Variants in FREM1 observed in about 807,000 individuals in gnomAD.
The protein encoded by FREM1 is FRAS1-related extracellular matrix protein 1.
Under a neutral mutation model 210.1 loss-of-function variants are expected in FREM1, and 220 were observed. The ratio of observed to expected loss-of-function variants is 1.05; its 90% confidence interval spans 0.94 to 1.17. The LOEUF (loss-of-function observed/expected upper bound fraction) is 1.17. FREM1 is among the 50% of genes most tolerant of loss of function. The probability of loss-of-function intolerance (pLI) is 0.00; values close to 1 mark genes in which losing one functional copy is unlikely to be tolerated. For missense variants in FREM1, 3,454 were observed against 2,675.5 expected (o/e 1.29, Z -6.42); for synonymous variants, 1,189 against 980.2 (o/e 1.21, Z -3.98).
At chr9:14,852,613 G>C (rs1003593541) in intron 5 of FREM1, among the ~76,000 whole-genome samples, 4 of 152,322 alleles carry the variant, frequency 2.6e-5, no homozygotes, top group African/African-American at 9.6e-5. Context: ...AAGATCACTT[G>C]AGCCCAGGAG....
chr9:14,882,557 C>T (rs1487955598), intron 1 of FREM1, among the ~76,000 whole-genome samples: 1 of 150,806 alleles, frequency 6.6e-6, no homozygotes, highest in African/African-American at 2.4e-5. Context: ...TGGGTTCAAG[C>T]AATTCTCCTG....
intron 23 of FREM1, 80 bp from the exon 24 acceptor site, chr9:14,784,714 C>A: frequency 9.7e-7 from 1 of 1,034,848 alleles, no homozygotes; most frequent in Non-Finnish European, 1.3e-6. Context: ...AGACAAAGGC[C>A]AAAACTGTGC....
Position 14,823,275 on chromosome 9 carries a change from C to T in FREM1, c.2222G>A (p.Gly741Asp). The change falls in exon 13 of 37, where the codon GGT becomes GAT. Residue 741 changes from glycine to aspartate, a missense_variant. Gly to Asp is a moderately conservative substitution (Grantham distance 94, BLOSUM62 -1). Transcript: ENST00000380880. ...GAACTGGACATCTCTGCAATGGGGACCAATGTCTTGCATGGGGGGCATGTA... is the reference window on the plus strand; with the variant it reads ...GAACTGGACATCTCTGCAATGGGGATCAATGTCTTGCATGGGGGGCATGTA... Reference protein sequence around the residue: ...VAYMPPMQDIGPHCRDVQFTF... With the variant: ...VAYMPPMQDIDPHCRDVQFTF... The T allele has an allele frequency of 6.2e-7, 1 of 1,613,920 alleles. No homozygotes were observed. The highest frequency in any genetic ancestry group is 8.5e-7 in the Non-Finnish European group (1 of 1,179,854).
At chr9:14,797,415 G>C in intron 21 of FREM1, 83 bp downstream of exon 21, 1 of 1,104,854 alleles carries the variant, frequency 9.1e-7, no homozygotes. Flanking sequence ...TTCTTTGGGA[G>C]ACACACACAC....
At chr9:14,851,157 G>C (rs1380029516) in intron 6 of FREM1, 127 bp downstream of exon 6, 1 of 727,166 alleles carries the variant, frequency 1.4e-6, no homozygotes, top group Non-Finnish European at 2.2e-6. Context: ...TGTGCATCCT[G>C]ATTTACAGTG....
intron 1 of FREM1, among the ~76,000 whole-genome samples, chr9:14,897,394 G>T (rs1158540835): frequency 6.6e-6 from 1 of 152,110 alleles, no homozygotes; most frequent in Non-Finnish European, 1.5e-5. Flanking sequence ...CTACCATAGG[G>T]TGATCAAGAT....
At chr9:14,826,329 T>C (rs1822450024) in intron 10 of FREM1, among the ~76,000 whole-genome samples, 2 of 152,306 alleles carry the variant, frequency 1.3e-5, no homozygotes, top group South Asian at 4.1e-4. Flanking sequence ...TGACTTCAAG[T>C]GATCCGCCCT....
At chr9:14,851,825 C>T (rs1348951205) in intron 5 of FREM1, among the ~76,000 whole-genome samples, 1 of 152,134 alleles carries the variant, frequency 6.6e-6, no homozygotes, top group Non-Finnish European at 1.5e-5. Flanking sequence ...AAAAGGGGAC[C>T]AGAAAACCAG....
Position 14,855,221 on chromosome 9 carries a change from T to C in FREM1, c.828+2332A>G, listed in dbSNP as rs145064265. ...AGAATAAGTAGGTAAATCTAAGAAATAAAAGAGCTAGCCTTGAAATTGTAT... is the reference window on the plus strand; with the variant it reads ...AGAATAAGTAGGTAAATCTAAGAAACAAAAGAGCTAGCCTTGAAATTGTAT... On this transcript the variant is annotated intron_variant, in intron 5 of 36. Transcript: ENST00000380880. 8.8e-3 allele frequency among the ~76,000 whole-genome samples: 1,340 copies of C among 152,150 alleles called. 11 individuals carry two copies. The highest frequency in any genetic ancestry group is 0.014 in the Non-Finnish European group (924 of 67,930).
At chr9:14,908,613 A>G (rs773800062) in intron 1 of FREM1, among the ~76,000 whole-genome samples, 1 of 152,230 alleles carries the variant, frequency 6.6e-6, no homozygotes, top group Non-Finnish European at 1.5e-5. Flanking sequence ...CCAGCCAAGC[A>G]TGCAAAACCA....
rs146559421 is a variant in FREM1, at chr9:14,846,189, A to G, written c.1262-98T>C. 6.0e-4 allele frequency: 586 copies of G among 976,648 alleles called. 3 individuals carry two copies. The African/African-American group carries it at 8.0e-3, about 13-fold the overall frequency. The allele number at this position is 976,648 out of a possible 1,614,324, so 60.5% of individuals were successfully genotyped here. A position where few individuals can be genotyped will look rare whatever the true frequency, so the allele number is the denominator to read the frequency against. On this transcript the variant is annotated intron_variant, in intron 7 of 36. Transcript: ENST00000380880. ...GAATACTATGCAGCCATAAAAAATA[A>G]TGAGTTCATGCCCTTTGCAGGGACA...
intron 1 of FREM1, among the ~76,000 whole-genome samples, chr9:14,890,264 C>T (rs1392583795): frequency 5.3e-5 from 8 of 152,250 alleles, no homozygotes. Flanking sequence ...TTGCCTACAA[C>T]ACAAATTCAT....
At chr9:14,776,360 T>G in intron 24 of FREM1, 157 bp from the exon 25 acceptor site, 1 of 744,672 alleles carries the variant, frequency 1.3e-6, no homozygotes, top group Non-Finnish European at 2.0e-6. Flanking sequence ...TCCCTATCAT[T>G]AAACCAGTCA....
intron 25 of FREM1, among the ~76,000 whole-genome samples, chr9:14,774,511 ATCTCTCTC>A (rs36211636): frequency 0.12 from 16,503 of 135,752 alleles, 1,025 homozygotes; most frequent in Non-Finnish European, 0.14. Flanking sequence ...CCTAAAATAA[ATCTCTCTC>A]TCTCTCTCTC....
intron 1 of FREM1, among the ~76,000 whole-genome samples, chr9:14,896,763 G>A (rs563045104): frequency 6.6e-6 from 1 of 152,270 alleles, no homozygotes; most frequent in East Asian, 1.9e-4. Flanking sequence ...TAGCATAGGA[G>A]CAAAATGCTC....
intron 36 of FREM1, 87 bp downstream of exon 36, chr9:14,740,062 C>A: frequency 1.3e-6 from 1 of 753,000 alleles, no homozygotes; most frequent in Non-Finnish European, 2.3e-6. Context: ...TCATTTAACC[C>A]ATGGAAGGAA....
At chr9:14,875,499 T>C (rs142145599) in intron 1 of FREM1, among the ~76,000 whole-genome samples, 1,667 of 152,348 alleles carry the variant, frequency 0.011, 28 homozygotes, top group African/African-American at 0.038. Context: ...CTTCACGTAG[T>C]TCTCGAGCCT....
chr9:14,787,488 A>G (rs1460191442), intron 23 of FREM1, among the ~76,000 whole-genome samples: 1 of 152,158 alleles, frequency 6.6e-6, no homozygotes, highest in South Asian at 2.1e-4. Context: ...GTGCAAAGCT[A>G]AAGTTTCTAT....
intron 2 of FREM1, among the ~76,000 whole-genome samples, chr9:14,865,070 T>A (rs540033486): frequency 6.6e-6 from 1 of 152,334 alleles, no homozygotes; most frequent in South Asian, 2.1e-4. Flanking sequence ...GAGAGCTAAA[T>A]CCTTTTCTAA....
Sources: allele counts gnomAD v4.1 joint callset (sites outside exome capture counted in the v4.1 genomes callset), GRCh38; gene constraint gnomAD v4.1.1; transcripts MANE v1.5; gene names NCBI Gene and HGNC (gene_info 2026-07-23, HGNC 2026-07-21).